Variants in KCNMB2 observed in about 807,000 individuals in gnomAD.
The protein encoded by KCNMB2 is calcium-activated potassium channel subunit beta-2.
A neutral mutation model predicts 24.5 loss-of-function variants in KCNMB2; 9 were observed. That is an observed-to-expected ratio of 0.37 (90% CI 0.22 to 0.64). The LOEUF is 0.64. KCNMB2 is among the 30% of genes least tolerant of loss of function. KCNMB2 has a pLI of 0.63. For synonymous variants in KCNMB2, 109 were observed against 104.4 expected, an observed-to-expected ratio of 1.04 and a Z score of -0.27; for missense variants, 226 against 284.3, an observed-to-expected ratio of 0.79 and a Z score of 1.47.
intron 1 of KCNMB2, among the ~76,000 whole-genome samples, chr3:178,745,609 A>G (rs1559999270): frequency 6.6e-6 from 1 of 152,314 alleles, no homozygotes; most frequent in Non-Finnish European, 1.5e-5. Flanking sequence ...TAAAAGGTCT[A>G]CAGTCCAAAG....
At chr3:178,820,683 G>A (rs1714589264) in intron 2 of KCNMB2, 2 of 152,556 alleles carry the variant, frequency 1.3e-5, no homozygotes, top group Non-Finnish European at 2.9e-5. Context: ...TACATAAAAG[G>A]AGCTCAAAAT....
chr3:178,586,354 T>C (rs1239902748), intron 1 of KCNMB2, among the ~76,000 whole-genome samples: 2 of 152,044 alleles, frequency 1.3e-5, no homozygotes, highest in Non-Finnish European at 2.9e-5. Flanking sequence ...CAAGTAATTG[T>C]GGTAACAAAT....
intron 1 of KCNMB2, among the ~76,000 whole-genome samples, chr3:178,764,002 T>C (rs1712018936): frequency 1.3e-5 from 2 of 152,142 alleles, no homozygotes; most frequent in South Asian, 2.1e-4. Flanking sequence ...GATTATTTTA[T>C]AGGTAAGAAA....
At chr3:178,625,660 TAGAC>T in intron 1 of KCNMB2, among the ~76,000 whole-genome samples, 1 of 152,318 alleles carries the variant, frequency 6.6e-6, no homozygotes, top group East Asian at 1.9e-4. Flanking sequence ...GTCAAGGAGT[TAGAC>T]AGCCCTAAGT....
At chr3:178,676,220 A>C (rs1012871182) in intron 1 of KCNMB2, among the ~76,000 whole-genome samples, 4 of 152,234 alleles carry the variant, frequency 2.6e-5, no homozygotes, top group Non-Finnish European at 5.9e-5. Flanking sequence ...CACCCAGGGC[A>C]TAAGTCCAGT....
chr3:178,756,477 C>T (rs1724045577), intron 1 of KCNMB2, among the ~76,000 whole-genome samples: 3 of 152,052 alleles, frequency 2.0e-5, no homozygotes, highest in Non-Finnish European at 4.4e-5. Flanking sequence ...TGAAATATGA[C>T]TTCATATATA....
intron 1 of KCNMB2, among the ~76,000 whole-genome samples, chr3:178,720,703 G>T (rs1190004907): frequency 1.5e-5 from 2 of 134,314 alleles, no homozygotes; most frequent in African/African-American, 5.9e-5. Flanking sequence ...TCTCATTGTG[G>T]TTTTGATTTG....
intron 1 of KCNMB2, among the ~76,000 whole-genome samples, chr3:178,664,377 G>A (rs547607084): frequency 1.2e-4 from 19 of 152,098 alleles, no homozygotes; most frequent in Admixed American, 9.8e-4. Context: ...ACAGTAATCT[G>A]GGTGAAAGGC....
At chr3:178,588,214 C>T (rs1434693234) in intron 1 of KCNMB2, among the ~76,000 whole-genome samples, 1 of 151,986 alleles carries the variant, frequency 6.6e-6, no homozygotes, top group Non-Finnish European at 1.5e-5. Flanking sequence ...CTTTAAGAAG[C>T]TCATAGTCTA....
chr3:178,591,948 T>C (rs1480771991), intron 1 of KCNMB2, among the ~76,000 whole-genome samples: 1 of 152,144 alleles, frequency 6.6e-6, no homozygotes, highest in African/African-American at 2.4e-5. Flanking sequence ...TTGAAAACAG[T>C]ATTCTGCCAC....
intron 1 of KCNMB2, among the ~76,000 whole-genome samples, chr3:178,661,002 T>C (rs1217304524): frequency 6.6e-6 from 1 of 150,890 alleles, no homozygotes; most frequent in African/African-American, 2.4e-5. Context: ...TATATTATTA[T>C]TATATTTTAA....
intron 1 of KCNMB2, among the ~76,000 whole-genome samples, chr3:178,559,947 T>C (rs1328811165): frequency 6.8e-6 from 1 of 147,646 alleles, no homozygotes; most frequent in Non-Finnish European, 1.5e-5. Flanking sequence ...AAATATATAA[T>C]ACAAATATGT....
At chr3:178,580,216 A>G (rs974770152) in intron 1 of KCNMB2, among the ~76,000 whole-genome samples, 1 of 152,232 alleles carries the variant, frequency 6.6e-6, no homozygotes, top group African/African-American at 2.4e-5. Context: ...GGTTGGTTCA[A>G]CATATGCAAA....
intron 1 of KCNMB2, among the ~76,000 whole-genome samples, chr3:178,705,225 C>A (rs1413317624): frequency 6.6e-6 from 1 of 152,082 alleles, no homozygotes; most frequent in Admixed American, 6.6e-5. Flanking sequence ...GAGCAGAGGC[C>A]TATTCTGAGT....
intron 1 of KCNMB2, among the ~76,000 whole-genome samples, chr3:178,746,282 G>C (rs916750347): frequency 6.6e-6 from 1 of 152,184 alleles, no homozygotes. Flanking sequence ...GCAAAGGCTT[G>C]AGGCTTGCAC....
intron 1 of KCNMB2, among the ~76,000 whole-genome samples, chr3:178,592,438 C>G (rs2108500400): frequency 6.6e-6 from 1 of 151,996 alleles, no homozygotes; most frequent in Middle Eastern, 3.4e-3. Context: ...TTATCTCACA[C>G]TCTCTTAAGG....
intron 1 of KCNMB2, among the ~76,000 whole-genome samples, chr3:178,650,682 C>G (rs1320505165): frequency 6.6e-6 from 1 of 152,110 alleles, no homozygotes; most frequent in Non-Finnish European, 1.5e-5. Context: ...CAAACCGAAT[C>G]CAGCAGCACA....
At chr3:178,721,088 C>G (rs577692357) in intron 1 of KCNMB2, among the ~76,000 whole-genome samples, 1 of 152,018 alleles carries the variant, frequency 6.6e-6, no homozygotes, top group Non-Finnish European at 1.5e-5. Context: ...GGTTTTCTTC[C>G]GGGGTTTTTA....
In KCNMB2 at chr3:178,807,472, G is replaced by A. The variant is rs200758010; in HGVS notation, c.56+7G>A. Reference sequence around the variant, plus strand: ...ATAGACATGATGAAAAAAGGTAAATGCACTGGGATTCTGGGCACTTTTCAG... The same window carrying A: ...ATAGACATGATGAAAAAAGGTAAATACACTGGGATTCTGGGCACTTTTCAG... On this transcript the variant is annotated splice_region_variant and intron_variant, in intron 2 of 4. Coordinates refer to ENST00000452583, the MANE Select transcript of KCNMB2 (RefSeq NM_181361.3). 1 of 1,612,502 alleles carries A rather than the reference G, an allele frequency of 6.2e-7. No homozygotes were observed. Among genetic ancestry groups the A allele is most frequent in the Admixed American group, 1.7e-5 (1 of 60,002 alleles).
Sources: allele counts gnomAD v4.1 joint callset (sites outside exome capture counted in the v4.1 genomes callset), GRCh38; gene constraint gnomAD v4.1.1; transcripts MANE v1.5; gene names NCBI Gene and HGNC (gene_info 2026-07-23, HGNC 2026-07-21).